EPHA6: variants seen among roughly 807,000 people sequenced by gnomAD.
The protein encoded by EPHA6 is EPH receptor A6, also known as ephrin type-A receptor 6.
A neutral mutation model predicts 112.0 loss-of-function variants in EPHA6; 50 were observed. The ratio of observed to expected loss-of-function variants is 0.45; its 90% CI spans 0.36 to 0.56. EPHA6 has a LOEUF of 0.56. EPHA6 is among the 20% of genes least tolerant of loss of function. EPHA6 has a pLI of 0.00. For synonymous variants in EPHA6, 529 were observed against 490.7 expected (o/e 1.08, Z -1.03); for missense variants, 1,280 against 1,417.4 (o/e 0.90, Z 1.56).
chr3:97,430,279 T>C (rs2089426231), intron 6 of EPHA6, among the ~76,000 whole-genome samples: 1 of 152,140 alleles, frequency 6.6e-6, no homozygotes, highest in South Asian at 2.1e-4. Context: ...AGTGATTTAA[T>C]GAATATGGCA....
chr3:97,079,175 T>G (rs1308548287), intron 3 of EPHA6, among the ~76,000 whole-genome samples: 1 of 152,030 alleles, frequency 6.6e-6, no homozygotes, highest in Non-Finnish European at 1.5e-5. Context: ...CAACACTGTT[T>G]ACAATAGCAA....
At chr3:97,685,892 T>A (rs1046647644) in intron 14 of EPHA6, among the ~76,000 whole-genome samples, 29 of 152,244 alleles carry the variant, frequency 1.9e-4, no homozygotes, top group Non-Finnish European at 3.5e-4. Flanking sequence ...AAGATTCATA[T>A]CTAGGATCAA....
chr3:97,226,450 C>G, intron 4 of EPHA6, 31 bp downstream of exon 4: 2 of 1,572,746 alleles, frequency 1.3e-6, no homozygotes, highest in South Asian at 2.4e-5. Context: ...TTTGGAAATT[C>G]TGTTTCCAAC....
At chr3:97,458,265 A>C (rs888632070) in intron 7 of EPHA6, among the ~76,000 whole-genome samples, 1 of 152,070 alleles carries the variant, frequency 6.6e-6, no homozygotes, top group Non-Finnish European at 1.5e-5. Flanking sequence ...TGTACTATAA[A>C]GATAGGCAAA....
chr3:97,687,039 T>C (rs910320961), intron 14 of EPHA6, among the ~76,000 whole-genome samples: 4 of 152,334 alleles, frequency 2.6e-5, no homozygotes, highest in Non-Finnish European at 4.4e-5. Flanking sequence ...TGTGTCAGGC[T>C]TTTTGTCTCT....
chr3:97,398,459 G>A (rs1037465671), intron 5 of EPHA6, among the ~76,000 whole-genome samples: 4 of 151,138 alleles, frequency 2.6e-5, no homozygotes, highest in Admixed American at 6.6e-5. Flanking sequence ...TATTAAGAGC[G>A]AATGTGTCTT....
At chr3:97,482,206 T>G (rs911242081) in intron 9 of EPHA6, among the ~76,000 whole-genome samples, 26 of 152,214 alleles carry the variant, frequency 1.7e-4, no homozygotes, top group African/African-American at 6.0e-4. Context: ...ATTGAATAGT[T>G]TAATAGTTAA....
intron 5 of EPHA6, among the ~76,000 whole-genome samples, chr3:97,324,457 CTT>C (rs1486502198): frequency 4.5e-4 from 65 of 144,032 alleles, no homozygotes; most frequent in Non-Finnish European, 8.5e-4. Context: ...TTCTTTCTTT[CTT>C]TCTTTCTTTC....
rs75458580 is a variant in EPHA6 at position 97,008,666 on chromosome 3, G to C, written c.1114+20673G>C. On this transcript the variant is annotated intron_variant, in intron 3 of 17. Coordinates refer to ENST00000389672, the MANE Select transcript of EPHA6 (RefSeq NM_001080448.3). The stretch of plus-strand genomic sequence containing the variant: ...TCTGTGCCCTTGATGGAGAGATGCT[G>C]TAATCATTTGGTTGAGAAGAGGCAC... Among the ~76,000 whole-genome samples, 1,236 of 152,246 alleles carry C rather than the reference G, an allele frequency of 8.1e-3. 14 individuals are homozygous for C. The highest frequency in any genetic ancestry group is 0.012 in the Non-Finnish European group (845 of 68,022).
chr3:96,857,488 C>A (rs901112918), intron 1 of EPHA6, among the ~76,000 whole-genome samples: 4 of 151,200 alleles, frequency 2.6e-5, no homozygotes, highest in Non-Finnish European at 5.9e-5. Context: ...GATTAATTGC[C>A]TTATAGTTCA....
chr3:97,214,804 A>G (rs377301706), intron 3 of EPHA6, among the ~76,000 whole-genome samples: 16 of 152,216 alleles, frequency 1.1e-4, no homozygotes, highest in African/African-American at 3.9e-4. Context: ...GTTATTCAGA[A>G]GAAACAACAT....
intron 9 of EPHA6, among the ~76,000 whole-genome samples, chr3:97,483,080 G>A (rs2091601622): frequency 6.6e-6 from 1 of 152,124 alleles, no homozygotes; most frequent in African/African-American, 2.4e-5. Context: ...TAGCAAGACT[G>A]CCATTTCTCT....
intron 1 of EPHA6, among the ~76,000 whole-genome samples, chr3:96,864,678 G>A (rs2036205089): frequency 1.3e-5 from 2 of 151,806 alleles, no homozygotes; most frequent in South Asian, 4.2e-4. Context: ...TAAAGAGGGT[G>A]GATTTGTTGT....
Position 96,819,445 on chromosome 3 carries a change from C to A in EPHA6, c.385+4437C>A, listed in dbSNP as rs376775984. 9.4e-4 allele frequency among the ~76,000 whole-genome samples: 143 copies of A among 152,172 alleles called. 4 individuals carry two copies. The South Asian group carries it at 0.029, about 31-fold the overall frequency. On this transcript the variant is annotated intron_variant, in intron 1 of 17. Coordinates refer to ENST00000389672, the MANE Select transcript of EPHA6 (RefSeq NM_001080448.3). ...ACAATTTCAGTAACTCTCTCTCTTT[C>A]TCTCTCCCACCTCACATACACAAAT...
intron 5 of EPHA6, among the ~76,000 whole-genome samples, chr3:97,377,456 G>A (rs765840337): frequency 6.6e-5 from 10 of 152,082 alleles, no homozygotes; most frequent in Non-Finnish European, 1.5e-4. Context: ...CAGTAAATTG[G>A]TATCAGTAGA....
At chr3:97,589,059 G>T (rs2093518167) in intron 11 of EPHA6, among the ~76,000 whole-genome samples, 1 of 152,034 alleles carries the variant, frequency 6.6e-6, no homozygotes, top group Non-Finnish European at 1.5e-5. Context: ...CCTGTGGCCT[G>T]GGAGCCTCAT....
intron 3 of EPHA6, among the ~76,000 whole-genome samples, chr3:96,994,763 C>CTA (rs1491569136): frequency 6.0e-5 from 3 of 50,396 alleles, no homozygotes; most frequent in Non-Finnish European, 1.2e-4. Context: ...AGAGAGAGAG[C>CTA]TATATATATA....
chr3:97,012,709 C>G (rs534829978), intron 3 of EPHA6, among the ~76,000 whole-genome samples: 2 of 150,510 alleles, frequency 1.3e-5, no homozygotes, highest in African/African-American at 4.9e-5. Flanking sequence ...ATCTGCCCCC[C>G]TCGGCCTCTC....
chr3:97,057,162 G>T (rs1437528609), intron 3 of EPHA6, among the ~76,000 whole-genome samples: 1 of 152,116 alleles, frequency 6.6e-6, no homozygotes, highest in African/African-American at 2.4e-5. Flanking sequence ...TACTTTGGTT[G>T]CCGGGGATAT....
Sources: allele counts gnomAD v4.1 joint callset (sites outside exome capture counted in the v4.1 genomes callset), GRCh38; gene constraint gnomAD v4.1.1; transcripts MANE v1.5; gene names NCBI Gene and HGNC (gene_info 2026-07-23, HGNC 2026-07-21).